The following ITPR2 variants were observed in gnomAD, a reference collection of about 807,000 sequenced individuals.
ITPR2 encodes the protein inositol 1,4,5-trisphosphate-gated calcium channel ITPR2.
Under a neutral mutation model 317.1 loss-of-function variants are expected in ITPR2, and 207 were observed. The ratio of observed to expected loss-of-function variants is 0.65; its 90% CI spans 0.58 to 0.73. ITPR2 has a LOEUF of 0.73. ITPR2 is among the 30% of genes least tolerant of loss of function. The pLI is 0.00. For missense variants in ITPR2, 2,613 were observed against 3,284.0 expected, an observed-to-expected ratio of 0.80 and a Z score of 4.99; for synonymous variants, 1,156 against 1,149.1, an observed-to-expected ratio of 1.01 and a Z score of -0.12.
chr12:26,719,282 T>G (rs1389589809), intron 5 of ITPR2, among the ~76,000 whole-genome samples: 1 of 152,170 alleles, frequency 6.6e-6, no homozygotes, highest in Non-Finnish European at 1.5e-5. Context: ...GATTCACAGA[T>G]GGGGTCAGGT....
At chr12:26,516,170 AGAGGG>A (rs548789019) in intron 37 of ITPR2, among the ~76,000 whole-genome samples, 3 of 90,018 alleles carry the variant, frequency 3.3e-5, no homozygotes, top group African/African-American at 7.9e-5. Context: ...AGGGGAGAGG[AGAGGG>A]GAGGGGAGGG....
intron 5 of ITPR2, among the ~76,000 whole-genome samples, chr12:26,718,986 T>C (rs1340841059): frequency 6.6e-6 from 1 of 152,152 alleles, no homozygotes; most frequent in Non-Finnish European, 1.5e-5. Context: ...CAGTGGTTCA[T>C]TAAAAAATGG....
chr12:26,730,568 C>T (rs1949009058), intron 2 of ITPR2, among the ~76,000 whole-genome samples: 1 of 152,136 alleles, frequency 6.6e-6, no homozygotes, highest in Non-Finnish European at 1.5e-5. Context: ...TTTTTAAAAG[C>T]TTAACCTTAA....
At chr12:26,807,087 G>A (rs1446465691) in intron 1 of ITPR2, among the ~76,000 whole-genome samples, 3 of 152,154 alleles carry the variant, frequency 2.0e-5, no homozygotes, top group African/African-American at 7.2e-5. Context: ...TACTCAGGAG[G>A]CTAAGGCCTG....
chr12:26,556,411 CG>C (rs747083380), intron 35 of ITPR2, 36 bp from the exon 36 acceptor site: 2 of 1,585,344 alleles, frequency 1.3e-6, no homozygotes, highest in Non-Finnish European at 1.7e-6. Flanking sequence ...CACATGAAGG[CG>C]TAAGTCAGAT....
chr12:26,551,824 G>A (rs1241756700), intron 36 of ITPR2, among the ~76,000 whole-genome samples: 3 of 152,222 alleles, frequency 2.0e-5, no homozygotes, highest in South Asian at 2.1e-4. Flanking sequence ...ACAACTGCCC[G>A]CTGACACTTA....
At chr12:26,777,186 G>A (rs12579793) in intron 2 of ITPR2, among the ~76,000 whole-genome samples, 2 of 151,970 alleles carry the variant, frequency 1.3e-5, no homozygotes, top group African/African-American at 4.8e-5. Flanking sequence ...GTGAGCAAGC[G>A]GGAAATGCCT....
chr12:26,565,167 C>T lies in ITPR2; in HGVS notation c.4631-3215G>A, dbSNP rs117124780. Among the ~76,000 whole-genome samples, 277 of 152,122 alleles carry T rather than the reference C, an allele frequency of 1.8e-3. 1 individual carries two copies. Among genetic ancestry groups the T allele is most frequent in the Non-Finnish European group, 3.5e-3 (237 of 67,988 alleles). On this transcript the variant is annotated intron_variant, in intron 34 of 56. Transcript: ENST00000381340. Reference sequence around the variant, plus strand: ...CAATGAACCCCCTATGAAAAAATTACTCTAAAAAAAGAGCAAATAATTTTT... The same window carrying T: ...CAATGAACCCCCTATGAAAAAATTATTCTAAAAAAAGAGCAAATAATTTTT...
chr12:26,567,952 A>ATATATAT (rs1186988303), intron 34 of ITPR2, among the ~76,000 whole-genome samples: 3 of 6,006 alleles, frequency 5.0e-4, no homozygotes, highest in East Asian at 9.9e-4. Context: ...TATATATATT[A>ATATATAT]TATATATATA....
At chr12:26,350,751 C>T (rs1168872615) in intron 55 of ITPR2, among the ~76,000 whole-genome samples, 1 of 151,956 alleles carries the variant, frequency 6.6e-6, no homozygotes, top group Non-Finnish European at 1.5e-5. Flanking sequence ...TCCCAACTCT[C>T]CCTCTTAGAA....
At chr12:26,726,533 T>C (rs1948927035) in intron 2 of ITPR2, among the ~76,000 whole-genome samples, 1 of 152,178 alleles carries the variant, frequency 6.6e-6, no homozygotes, top group Non-Finnish European at 1.5e-5. Context: ...TATTCTATCA[T>C]AAAAGAGTAG....
chr12:26,425,468 A>T (rs2136698163), intron 49 of ITPR2, among the ~76,000 whole-genome samples: 1 of 152,084 alleles, frequency 6.6e-6, no homozygotes, highest in East Asian at 1.9e-4. Flanking sequence ...GGAGATCAAG[A>T]CCATCCTGGC....
chr12:26,827,876 A>T (rs574157703), intron 1 of ITPR2, among the ~76,000 whole-genome samples: 41 of 152,352 alleles, frequency 2.7e-4, no homozygotes, highest in Admixed American at 4.6e-4. Context: ...CACTAAATAT[A>T]TACAGTGTCA....
chr12:26,664,795 A>G (rs1947585287), intron 14 of ITPR2, among the ~76,000 whole-genome samples: 1 of 152,134 alleles, frequency 6.6e-6, no homozygotes, highest in African/African-American at 2.4e-5. Flanking sequence ...CAAATTTTTT[A>G]TATAATAATT....
At chr12:26,545,512 TAG>T (rs1944375311) in intron 37 of ITPR2, among the ~76,000 whole-genome samples, 1 of 152,116 alleles carries the variant, frequency 6.6e-6, no homozygotes, top group African/African-American at 2.4e-5. Flanking sequence ...AACTCTCCCC[TAG>T]AGTCTGCAGA....
chr12:26,790,586 T>TACACACACACAGACAC (rs146615267), intron 1 of ITPR2, among the ~76,000 whole-genome samples: 2 of 147,708 alleles, frequency 1.4e-5, no homozygotes, highest in Admixed American at 6.7e-5. Context: ...CATATATGCT[T>TACACACACACAGACAC]ACACACACAC....
At chr12:26,420,592 T>G (rs1389899219) in intron 49 of ITPR2, among the ~76,000 whole-genome samples, 1 of 152,088 alleles carries the variant, frequency 6.6e-6, no homozygotes, top group Non-Finnish European at 1.5e-5. Context: ...TTCCTAAATT[T>G]CTCCCCTGCT....
chr12:26,456,332 C>T (rs954433764), intron 45 of ITPR2, among the ~76,000 whole-genome samples: 1 of 152,188 alleles, frequency 6.6e-6, no homozygotes, highest in East Asian at 1.9e-4. Context: ...AAAGACACTC[C>T]TAGCAGCGCC....
chr12:26,758,143 C>G (rs1026670809), intron 2 of ITPR2, among the ~76,000 whole-genome samples: 7 of 152,122 alleles, frequency 4.6e-5, no homozygotes, highest in African/African-American at 1.4e-4. Flanking sequence ...CAGTGTCATC[C>G]CCATCCCCTT....
Sources: allele counts gnomAD v4.1 joint callset (sites outside exome capture counted in the v4.1 genomes callset), GRCh38; gene constraint gnomAD v4.1.1; transcripts MANE v1.5; gene names NCBI Gene and HGNC (gene_info 2026-07-23, HGNC 2026-07-21).